The following HHIP variants were observed in gnomAD, a reference collection of about 807,000 sequenced individuals.
HHIP encodes the protein hedgehog-interacting protein.
HHIP carries 12 observed loss-of-function variants against 74.0 expected under a neutral mutation model. That is an observed-to-expected ratio of 0.16 (90% confidence interval 0.10 to 0.26). The LOEUF (loss-of-function observed/expected upper bound fraction) is 0.26, where lower values mean the gene tolerates loss of function less well. Among genes scored for constraint, HHIP ranks in the 10% least tolerant of loss-of-function variants. HHIP has a pLI of 1.00. For synonymous variants in HHIP, 309 were observed against 311.6 expected, an observed-to-expected ratio of 0.99 and a Z score of 0.09; for missense variants, 788 against 845.0, an observed-to-expected ratio of 0.93 and a Z score of 0.84.
At chr4:144,727,715 C>T (rs948250640) in intron 11 of HHIP, among the ~76,000 whole-genome samples, 3 of 152,072 alleles carry the variant, frequency 2.0e-5, no homozygotes, top group Non-Finnish European at 2.9e-5. Context: ...TCCTGAATTT[C>T]CCATGGAAAT....
intron 11 of HHIP, among the ~76,000 whole-genome samples, chr4:144,733,755 G>A (rs1382387419): frequency 3.3e-5 from 5 of 152,130 alleles, no homozygotes; most frequent in Admixed American, 6.5e-5. Context: ...AGGTAACAGC[G>A]ACTGATAGGA....
In HHIP at chr4:144,734,791, T is replaced by G. The variant is rs772147648; in HGVS notation, c.1811T>G (p.Leu604Arg). Residue 604 changes from leucine (L) to arginine (R), a missense_variant, in exon 12 of 13, where the codon CTG (leucine) becomes CGG (arginine). Transcript: ENST00000296575. ...CRATVQPAQT[L>R]TSECSRLCRN... is the part of the protein sequence containing the mutation. ...GCCACGGTACAACCTGCACAGACACTGACTTCAGAGTGCTCCAGGCTCTGT... is the reference window on the plus strand; with the variant it reads ...GCCACGGTACAACCTGCACAGACACGGACTTCAGAGTGCTCCAGGCTCTGT... 1.9e-6 allele frequency: 3 copies of G among 1,612,000 alleles called. No individual in the cohort carries two copies. Among genetic ancestry groups the G allele is most frequent in the Non-Finnish European group, 2.5e-6 (3 of 1,178,436 alleles).
chr4:144,685,078 A>C (rs1336390438), intron 4 of HHIP, among the ~76,000 whole-genome samples: 1 of 152,206 alleles, frequency 6.6e-6, no homozygotes, highest in Non-Finnish European at 1.5e-5. Flanking sequence ...TTCCCCGTCC[A>C]TGTGGGCCAT....
intron 11 of HHIP, among the ~76,000 whole-genome samples, chr4:144,720,960 G>A (rs1386928500): frequency 6.6e-6 from 1 of 152,134 alleles, no homozygotes; most frequent in Non-Finnish European, 1.5e-5. Flanking sequence ...CAGGAGGTCT[G>A]TGTTAGGGTA....
chr4:144,652,668 T>C lies in HHIP; in HGVS notation c.343T>C (p.Cys115Arg), dbSNP rs1435481573. ...KLLEEIKCALCSPHSQSLFHS... is the reference protein window; with the variant it reads ...KLLEEIKCALRSPHSQSLFHS... ...ACTGGAGGAAATCAAATGTGCACTT[T>C]GCTCTCCACATTCTCAAAGCCTGTT... is the stretch of plus-strand genomic sequence containing the variant. Residue 115 changes from cysteine to arginine, a missense_variant, in exon 2 of 13, where the codon TGC becomes CGC. By Grantham distance (180) the Cys-to-Arg change is radical (BLOSUM62 -3). Transcript: ENST00000296575. 2 of 1,611,232 alleles carry C rather than the reference T, an allele frequency of 1.2e-6. No homozygotes were observed. The highest frequency in any genetic ancestry group is 2.2e-5 in the South Asian group (2 of 90,822).
intron 4 of HHIP, among the ~76,000 whole-genome samples, chr4:144,668,365 G>T (rs557898594): frequency 5.3e-5 from 8 of 150,926 alleles, no homozygotes; most frequent in South Asian, 4.2e-4. Context: ...AATCAGAGAA[G>T]AGAGAACTTT....
intron 3 of HHIP, among the ~76,000 whole-genome samples, 176 bp downstream of exon 3, chr4:144,659,122 T>G (rs1200524042): frequency 6.6e-6 from 1 of 152,236 alleles, no homozygotes; most frequent in African/African-American, 2.4e-5. Context: ...ATGCTTTTAA[T>G]ACTTAGACTA....
intron 11 of HHIP, among the ~76,000 whole-genome samples, chr4:144,729,486 C>CACAAACTTG (rs1261271445): frequency 6.6e-6 from 1 of 152,080 alleles, no homozygotes; most frequent in East Asian, 1.9e-4. Context: ...AAACAGGCCT[C>CACAAACTTG]ACAAACTTGA....
intron 4 of HHIP, among the ~76,000 whole-genome samples, chr4:144,696,996 A>C (rs1729838934): frequency 6.6e-6 from 1 of 151,990 alleles, no homozygotes; most frequent in African/African-American, 2.4e-5. Flanking sequence ...TGTGTCTAAC[A>C]AAGTAGTTAG....
chr4:144,685,348 C>G (rs372755698), intron 4 of HHIP, among the ~76,000 whole-genome samples: 1 of 152,074 alleles, frequency 6.6e-6, no homozygotes, highest in African/African-American at 2.4e-5. Context: ...GTTCAGAAAA[C>G]CAGGACATAC....
In HHIP at chr4:144,646,435, T is replaced by C. The variant is rs144634666; in HGVS notation, c.-241T>C. On this transcript the variant is annotated 5_prime_UTR_variant, in exon 1 of 13. Coordinates refer to ENST00000296575, the MANE Select transcript of HHIP (RefSeq NM_022475.3). ...GACACTGGCACAACTGCAAACGGTG[T>C]CATCCGCACAACTTTATCTCGCTCC... is the stretch of plus-strand genomic sequence containing the variant. 418 of 449,318 alleles carry C rather than the reference T, an allele frequency of 9.3e-4. No individual in the cohort carries two copies. The highest frequency in any genetic ancestry group is 1.5e-3 in the Non-Finnish European group (379 of 253,550). 27.8% of individuals were successfully genotyped at this position (449,318 alleles called of 1,614,324 possible).
intron 10 of HHIP, among the ~76,000 whole-genome samples, chr4:144,716,875 A>G (rs1578720751): frequency 6.8e-6 from 1 of 147,606 alleles, no homozygotes; most frequent in South Asian, 2.2e-4. Context: ...AAAAAAAAAA[A>G]AAAAAAAAAA....
intron 11 of HHIP, among the ~76,000 whole-genome samples, chr4:144,725,660 G>A (rs1036710168): frequency 5.0e-5 from 7 of 141,260 alleles, no homozygotes; most frequent in African/African-American, 1.7e-4. Flanking sequence ...GTGTGTGCGC[G>A]TGCGTGTGTG....
chr4:144,738,599 A>G lies in HHIP; in HGVS notation c.*642A>G. 1.3e-6 allele frequency: 1 copy of G among 742,828 alleles called. No homozygotes were observed. The highest frequency in any genetic ancestry group is 6.2e-5 in the South Asian group (1 of 16,248). The allele number at this position is 742,828 out of a possible 1,614,324, so 46.0% of individuals were successfully genotyped here. On this transcript the variant is annotated 3_prime_UTR_variant, in exon 13 of 13. Coordinates refer to ENST00000296575, the MANE Select transcript of HHIP (RefSeq NM_022475.3). ...TTCAAGTGTTTTATAATTAAATCAT[A>G]ATAGCATATTTTAAAATCAATCTTC...
intron 4 of HHIP, among the ~76,000 whole-genome samples, chr4:144,699,247 C>T (rs1578707485): frequency 6.6e-6 from 1 of 152,142 alleles, no homozygotes; most frequent in Admixed American, 6.6e-5. Context: ...TGGTAATTCA[C>T]TAGAATGACT....
At chr4:144,708,456 T>C (rs1362805298) in intron 7 of HHIP, 145 bp downstream of exon 7, 19 of 697,502 alleles carry the variant, frequency 2.7e-5, no homozygotes, top group Middle Eastern at 3.7e-4. Context: ...AACAGGTCAT[T>C]ACTCAAGTGA....
In HHIP at chr4:144,738,282, A is replaced by T; in HGVS notation, c.*325A>T. The T allele has an allele frequency of 1.0e-6, 1 of 983,816 alleles. No homozygotes were observed. Among genetic ancestry groups the T allele is most frequent in the Non-Finnish European group, 1.2e-6 (1 of 826,254 alleles). 60.9% of individuals were successfully genotyped at this position (983,816 alleles called of 1,614,324 possible). A position where few individuals can be genotyped will look rare whatever the true frequency, so the allele number is the denominator to read the frequency against. ...ATTTTTTATGTTACTAGAAGAGATT[A>T]TTTGACTTCCCAGGAATTTTCTGTC... is the stretch of plus-strand genomic sequence containing the variant. On this transcript the variant is annotated 3_prime_UTR_variant, in exon 13 of 13. Transcript: ENST00000296575.
chr4:144,656,662 C>T (rs1728565391), intron 2 of HHIP, among the ~76,000 whole-genome samples: 1 of 152,086 alleles, frequency 6.6e-6, no homozygotes. Flanking sequence ...CTCACATATC[C>T]AGTTATAAAT....
At chr4:144,714,090 T>C (rs1323239848) in intron 8 of HHIP, 135 bp from the exon 9 acceptor site, 4 of 700,814 alleles carry the variant, frequency 5.7e-6, no homozygotes, top group Non-Finnish European at 9.5e-6. Flanking sequence ...ATTAAATAGC[T>C]CTAGCAAGAA....
Sources: allele counts gnomAD v4.1 joint callset (sites outside exome capture counted in the v4.1 genomes callset), GRCh38; gene constraint gnomAD v4.1.1; transcripts MANE v1.5; gene names NCBI Gene and HGNC (gene_info 2026-07-23, HGNC 2026-07-21).